HNRNPM: variants seen among roughly 807,000 people sequenced by gnomAD.
HNRNPM encodes the protein CEA receptor.
Under a neutral mutation model 73.1 loss-of-function variants are expected in HNRNPM, and 11 were observed. The ratio of observed to expected loss-of-function variants is 0.15; its 90% CI spans 0.09 to 0.25. HNRNPM has a LOEUF of 0.25. Ranked by LOEUF, HNRNPM falls within the 10% of genes least tolerant of loss-of-function variation. The pLI, the probability that HNRNPM is intolerant of heterozygous loss-of-function variation, is 1.00. For missense variants in HNRNPM, 789 were observed against 1,067.9 expected (o/e 0.74, Z 3.64); for synonymous variants, 407 against 355.2 (o/e 1.15, Z -1.64).
In HNRNPM at chr19:8,463,516, C is replaced by T; in HGVS notation, c.344+12C>T. The T allele has an allele frequency of 6.2e-7, 1 of 1,613,508 alleles. No individual in the cohort carries two copies. The highest frequency in any genetic ancestry group is 8.5e-7 in the Non-Finnish European group (1 of 1,179,474). On this transcript the variant is annotated intron_variant, in intron 4 of 15. Transcript: ENST00000325495. ...CCAAAGGGATGTGCGTAAGTATCGT[C>T]TAGTTACTTATTGGTATTTGAGCCT...
chr19:8,453,941 G>C (rs1968809184), intron 1 of HNRNPM, among the ~76,000 whole-genome samples: 2 of 152,184 alleles, frequency 1.3e-5, no homozygotes, highest in Non-Finnish European at 2.9e-5. Flanking sequence ...GGCCGTGCCA[G>C]AAAAGCAGCC....
intron 2 of HNRNPM, among the ~76,000 whole-genome samples, chr19:8,457,319 G>A (rs1293559450): frequency 6.6e-6 from 1 of 152,200 alleles, no homozygotes; most frequent in Non-Finnish European, 1.5e-5. Flanking sequence ...GGATGTAGAA[G>A]CAGTTCACCT....
rs1160056583 is a variant in HNRNPM, at chr19:8,475,973, GA to G, written c.1120+1730del. Reference sequence around the variant, plus strand: ...AGGGAATTTGAGTTGTTGCTGTGAGGAGTAGAGTGATGCAGTTTAGAAGTAG... The same window carrying G: ...AGGGAATTTGAGTTGTTGCTGTGAGGGTAGAGTGATGCAGTTTAGAAGTAG... On this transcript the variant is annotated intron_variant, in intron 12 of 15. Coordinates refer to ENST00000325495, the MANE Select transcript of HNRNPM (RefSeq NM_005968.5). Among the ~76,000 whole-genome samples, 6 of 150,318 alleles carry G rather than the reference GA, an allele frequency of 4.0e-5. 1 individual carries two copies. The South Asian group carries it at 1.3e-3, about 32-fold the overall frequency.
chr19:8,455,203 ACTC>A (rs1968922131), intron 1 of HNRNPM, among the ~76,000 whole-genome samples, 199 bp from the exon 2 acceptor site: 1 of 151,386 alleles, frequency 6.6e-6, no homozygotes, highest in Non-Finnish European at 1.5e-5. Context: ...CTAGTCTTGA[ACTC>A]CTGGCCTCAA....
chr19:8,450,879 G>A (rs1019529789), intron 1 of HNRNPM, among the ~76,000 whole-genome samples: 2 of 149,448 alleles, frequency 1.3e-5, no homozygotes, highest in Non-Finnish European at 3.0e-5. Context: ...ACAGGCACCC[G>A]CCACCATGCC....
chr19:8,462,472 A>G lies in HNRNPM; in HGVS notation c.284-57A>G. 2.1e-6 allele frequency: 3 copies of G among 1,455,046 alleles called. No individual in the cohort carries two copies. Among genetic ancestry groups the G allele is most frequent in the Non-Finnish European group, 2.9e-6 (3 of 1,035,180 alleles). The allele number at this position is 1,455,046 out of a possible 1,614,324, so 90.1% of individuals were successfully genotyped here. ...TTGCTGATGATTGTTCTAAATTCCC[A>G]TTGTTTTCTTGGCTTTTCTCCCTTG... On this transcript the variant is annotated intron_variant, in intron 2 of 15. Transcript: ENST00000325495. The surrounding 1 kb of genome is among the most constrained non-coding windows in gnomAD (Gnocchi z 4.5).
intron 12 of HNRNPM, among the ~76,000 whole-genome samples, chr19:8,478,956 G>A (rs993117385): frequency 1.3e-5 from 2 of 152,196 alleles, no homozygotes; most frequent in African/African-American, 2.4e-5. Context: ...CATCTAGACC[G>A]ACTAGAGAGG....
chr19:8,472,165 G>A (rs1391683007), intron 10 of HNRNPM, among the ~76,000 whole-genome samples: 1 of 132,390 alleles, frequency 7.6e-6, no homozygotes, highest in Non-Finnish European at 1.6e-5. Context: ...GCGAGAGTCC[G>A]TCTCCAGAAA....
Position 8,485,758 on chromosome 19 carries a change from A to C in HNRNPM, c.1330A>C (p.Met444Leu). 6.2e-7 allele frequency: 1 copy of C among 1,604,108 alleles called. No homozygotes were observed. The highest frequency in any genetic ancestry group is 8.5e-7 in the Non-Finnish European group (1 of 1,178,898). Residue 444 changes from methionine to leucine, a missense_variant, in exon 14 of 16, where the codon ATG becomes CTG. Transcript: ENST00000325495. Reference sequence around the variant, plus strand: ...GCGCATGGGCCTGGTCATGGACCGCATGGGCTCCGTGGAGCGCATGGGCTC... The same window carrying C: ...GCGCATGGGCCTGGTCATGGACCGCCTGGGCTCCGTGGAGCGCATGGGCTC... ...IERMGLVMDR[M>L]GSVERMGSGI...
intron 10 of HNRNPM, among the ~76,000 whole-genome samples, chr19:8,471,910 C>T (rs1008008177): frequency 2.6e-5 from 4 of 152,188 alleles, no homozygotes; most frequent in South Asian, 4.1e-4. Context: ...CGGTGGCTCA[C>T]GCCTGTAATC....
chr19:8,449,412 C>G (rs1162017539), intron 1 of HNRNPM, among the ~76,000 whole-genome samples: 1 of 152,132 alleles, frequency 6.6e-6, no homozygotes, highest in East Asian at 1.9e-4. Flanking sequence ...AGCCTTGGCT[C>G]TGGTTTGCTA....
chr19:8,467,719 A>C, intron 8 of HNRNPM, 135 bp downstream of exon 8: 1 of 718,770 alleles, frequency 1.4e-6, no homozygotes, highest in Non-Finnish European at 2.5e-6. Context: ...TGTTGAGCAA[A>C]ATTGTGAGAG....
In HNRNPM at chr19:8,489,049, T is replaced by C. The variant is rs1177229368; in HGVS notation, c.*195T>C. ...TTGAGATTGCAATGTGCGCAATTTT[T>C]TTTGTAGTTGTGGCATCTTGTTGAC... On this transcript the variant is annotated 3_prime_UTR_variant, in exon 16 of 16. Transcript: ENST00000325495. 8 of 536,030 alleles carry C rather than the reference T, an allele frequency of 1.5e-5. No homozygotes were observed. Among genetic ancestry groups the C allele is most frequent in the Non-Finnish European group, 2.6e-5 (8 of 303,258 alleles). The allele number at this position is 536,030 out of a possible 1,614,324, so 33.2% of individuals were successfully genotyped here.
At position 8,488,758 on chromosome 19, in the gene HNRNPM, C is replaced by T. The variant is rs201359498; in HGVS notation, c.2097C>T (p.Phe699=). The change falls in exon 16 of 16, where the codon TTC becomes TTT. Residue 699 remains phenylalanine (F), a synonymous_variant. Transcript: ENST00000325495. ...CCAAGGGGTGTGGCGTGGTTAAGTT[C>T]GAGTCGCCAGAGGTGGCCGAGAGAG... ...GKSKGCGVVK[F]ESPEVAERAC... is the part of the protein sequence containing the mutation. 3.5e-5 allele frequency: 57 copies of T among 1,614,060 alleles called. No homozygotes were observed. Among genetic ancestry groups the T allele is most frequent in the East Asian group, 3.3e-4 (15 of 44,882 alleles).
intron 12 of HNRNPM, among the ~76,000 whole-genome samples, chr19:8,475,229 C>T (rs1568288789): frequency 6.6e-6 from 1 of 152,192 alleles, no homozygotes; most frequent in African/African-American, 2.4e-5. Flanking sequence ...GGCACTTCAT[C>T]ATGTGGGAAT....
At chr19:8,480,202 C>A (rs1042912149) in intron 12 of HNRNPM, among the ~76,000 whole-genome samples, 5 of 149,686 alleles carry the variant, frequency 3.3e-5, no homozygotes, top group African/African-American at 1.2e-4. Flanking sequence ...GTGGTGAAAC[C>A]CCGTCTCTAC....
chr19:8,464,814 C>A (rs955354403), intron 5 of HNRNPM, among the ~76,000 whole-genome samples: 2 of 152,084 alleles, frequency 1.3e-5, no homozygotes, highest in Admixed American at 6.5e-5. Context: ...GCTTCACAGA[C>A]CTTCCCAGAT....
Position 8,462,722 on chromosome 19 carries a change from TG to T in HNRNPM, c.336+145del. 1 of 756,978 alleles carries T rather than the reference TG, an allele frequency of 1.3e-6. No individual in the cohort carries two copies. Among genetic ancestry groups the T allele is most frequent in the South Asian group, 1.5e-5 (1 of 65,654 alleles). 46.9% of individuals were successfully genotyped at this position (756,978 alleles called of 1,614,324 possible). The stretch of plus-strand genomic sequence containing the variant: ...TGTTTGATTTTGCCAAACATTTGAG[TG>T]GGGTGGGAGGGGATTTGCAAATGGG... On this transcript the variant is annotated intron_variant, in intron 3 of 15. Transcript: ENST00000325495. The surrounding 1 kb of genome is among the most constrained non-coding windows in gnomAD (Gnocchi z 4.5).
At chr19:8,451,740 A>AGGCT (rs1435174740) in intron 1 of HNRNPM, among the ~76,000 whole-genome samples, 4 of 152,028 alleles carry the variant, frequency 2.6e-5, no homozygotes, top group African/African-American at 9.7e-5. Context: ...CATGTTACCC[A>AGGCT]GGCTGGTCTC....
Sources: gnomAD v4.1 joint callset for allele counts (sites outside exome capture counted in the v4.1 genomes callset) on GRCh38, gnomAD v4.1.1 for gene constraint, Gnocchi (gnomAD v3.1) non-coding constraint, MANE v1.5 for transcripts, NCBI Gene and HGNC (gene_info 2026-07-23, HGNC 2026-07-21) for gene names.